DTD1: variants seen among roughly 807,000 people sequenced by gnomAD.
DTD1 encodes the protein D-aminoacyl-tRNA deacylase 1, also known as D-tyrosyl-tRNA deacylase 1 homolog.
Under a neutral mutation model 25.6 loss-of-function variants are expected in DTD1, and 13 were observed. The observed-to-expected ratio is 0.51, with a 90% CI of 0.33 to 0.81. DTD1 has a LOEUF of 0.81. Among genes scored for constraint, DTD1 ranks in the 30% least tolerant of loss-of-function variants. DTD1 has a pLI of 0.02. For synonymous variants in DTD1, 110 were observed against 103.6 expected (o/e 1.06, Z -0.37); for missense variants, 193 against 266.4 (o/e 0.72, Z 1.92).
chr20:18,708,198 T>A lies in DTD1; in HGVS notation c.478-35902T>A, dbSNP rs543318022. On this transcript the variant is annotated intron_variant, in intron 4 of 5. Transcript: ENST00000377452. ...ATATATATATTTTATATATATATTA[T>A]ATATATATTTTATATATATAATATA... Among the ~76,000 whole-genome samples the A allele has an allele frequency of 2.8e-4, 7 of 25,130 alleles. 1 individual carries two copies. Among genetic ancestry groups the A allele is most frequent in the Admixed American group, 6.4e-4 (1 of 1,554 alleles). The allele number at this position is 25,130 out of a possible 152,430, so 16.5% of individuals were successfully genotyped here. A position where few individuals can be genotyped will look rare whatever the true frequency, so the allele number is the denominator to read the frequency against.
intron 4 of DTD1, among the ~76,000 whole-genome samples, chr20:18,682,489 CT>C (rs1206817597): frequency 6.6e-6 from 1 of 152,196 alleles, no homozygotes; most frequent in African/African-American, 2.4e-5. Flanking sequence ...ATGTATGTTC[CT>C]GTTAGGACCC....
chr20:18,628,990 T>A (rs2060771241), intron 4 of DTD1, among the ~76,000 whole-genome samples: 5 of 734 alleles, frequency 6.8e-3, no homozygotes, highest in African/African-American at 0.012. Context: ...AAAGCCTGAT[T>A]TTTTTTTTTT....
Position 18,616,947 on chromosome 20 carries a change from G to A in DTD1, c.371-11180G>A, listed in dbSNP as rs141502895. Among the ~76,000 whole-genome samples, 506 of 152,316 alleles carry A rather than the reference G, an allele frequency of 3.3e-3. 3 individuals carry two copies. Among genetic ancestry groups the A allele is most frequent in the African/African-American group, 0.012 (487 of 41,570 alleles). ...CTCTGGGTCTCAGGAGATGAGGACT[G>A]GTCCATTTTGGTGGCTTTGCCATCC... On this transcript the variant is annotated intron_variant, in intron 3 of 5. Coordinates refer to ENST00000377452, the MANE Select transcript of DTD1 (RefSeq NM_080820.6).
intron 4 of DTD1, among the ~76,000 whole-genome samples, chr20:18,680,483 C>T (rs1355915270): frequency 6.9e-6 from 1 of 144,988 alleles, no homozygotes; most frequent in Non-Finnish European, 1.5e-5. Flanking sequence ...GTCAAGTGAT[C>T]CTCGCATCTG....
intron 2 of DTD1, among the ~76,000 whole-genome samples, chr20:18,594,233 G>T (rs6045488): frequency 0.51 from 77,335 of 151,902 alleles, 20,036 homozygotes; most frequent in Middle Eastern, 0.56. Context: ...TAAATTGCTT[G>T]CCCCAGATCA....
intron 4 of DTD1, among the ~76,000 whole-genome samples, chr20:18,699,760 G>A (rs1293779628): frequency 1.3e-5 from 2 of 152,194 alleles, no homozygotes; most frequent in East Asian, 1.9e-4. Flanking sequence ...GAGTGATCAT[G>A]TGTGTGTTTG....
intron 4 of DTD1, among the ~76,000 whole-genome samples, chr20:18,640,740 C>T (rs918848269): frequency 2.0e-5 from 3 of 151,674 alleles, no homozygotes; most frequent in South Asian, 2.1e-4. Context: ...AAGCAATTCT[C>T]CTGCCTCAGC....
chr20:18,695,188 C>CA (rs2061066101), intron 4 of DTD1, among the ~76,000 whole-genome samples: 1 of 151,984 alleles, frequency 6.6e-6, no homozygotes, highest in South Asian at 2.1e-4. Flanking sequence ...AGCAACGATT[C>CA]ACACATAGAG....
intron 5 of DTD1, among the ~76,000 whole-genome samples, chr20:18,755,515 C>A (rs180964122): frequency 7.9e-5 from 12 of 152,110 alleles, no homozygotes; most frequent in Admixed American, 7.9e-4. Flanking sequence ...TGAGAACATG[C>A]GGTGTTTGGT....
chr20:18,718,205 A>G (rs2061188971), intron 4 of DTD1, among the ~76,000 whole-genome samples: 1 of 152,254 alleles, frequency 6.6e-6, no homozygotes, highest in Non-Finnish European at 1.5e-5. Flanking sequence ...TATTAAAGAT[A>G]TTTATTTTGG....
At chr20:18,680,255 G>A (rs1330167853) in intron 4 of DTD1, among the ~76,000 whole-genome samples, 5 of 151,948 alleles carry the variant, frequency 3.3e-5, no homozygotes. Flanking sequence ...CACAATCATG[G>A]GTCACTACAT....
At chr20:18,761,716 A>G (rs1353759668) in intron 5 of DTD1, among the ~76,000 whole-genome samples, 2 of 152,248 alleles carry the variant, frequency 1.3e-5, no homozygotes, top group Admixed American at 6.5e-5. Context: ...AATCTGTGCC[A>G]AGAAGATGGA....
chr20:18,688,224 C>T (rs750889787), intron 4 of DTD1, among the ~76,000 whole-genome samples: 1 of 152,230 alleles, frequency 6.6e-6, no homozygotes, highest in East Asian at 1.9e-4. Flanking sequence ...CATTTACCTA[C>T]TATGCCACGC....
At chr20:18,594,830 T>C (rs1015119984) in intron 2 of DTD1, among the ~76,000 whole-genome samples, 6 of 152,228 alleles carry the variant, frequency 3.9e-5, no homozygotes, top group African/African-American at 1.2e-4. Flanking sequence ...TCTTTATGGC[T>C]CTGACATACT....
intron 4 of DTD1, among the ~76,000 whole-genome samples, chr20:18,657,936 T>C (rs1228711751): frequency 6.6e-6 from 1 of 152,008 alleles, no homozygotes; most frequent in Non-Finnish European, 1.5e-5. Flanking sequence ...CAATATTCTA[T>C]TGGTTACAGA....
chr20:18,693,956 C>T (rs551742296), intron 4 of DTD1, among the ~76,000 whole-genome samples: 19 of 152,324 alleles, frequency 1.2e-4, no homozygotes, highest in African/African-American at 4.1e-4. Flanking sequence ...GCACTAGCCA[C>T]GTTTCAAGTG....
intron 4 of DTD1, among the ~76,000 whole-genome samples, chr20:18,686,566 T>C (rs1243552559): frequency 6.6e-6 from 1 of 152,118 alleles, no homozygotes; most frequent in Non-Finnish European, 1.5e-5. Context: ...GTCAATTTAG[T>C]AGGTGATAAG....
intron 4 of DTD1, among the ~76,000 whole-genome samples, chr20:18,735,971 T>A (rs968006596): frequency 6.6e-6 from 1 of 152,160 alleles, no homozygotes; most frequent in Non-Finnish European, 1.5e-5. Flanking sequence ...CTATCATTAG[T>A]GTAAGTGTAT....
chr20:18,631,179 A>G (rs1440000779), intron 4 of DTD1: 1 of 985,318 alleles, frequency 1.0e-6, no homozygotes, highest in African/African-American at 1.7e-5. Flanking sequence ...TAGCAGAGCT[A>G]CCCTTTCCTG....
Sources: allele counts gnomAD v4.1 joint callset (sites outside exome capture counted in the v4.1 genomes callset), GRCh38; gene constraint gnomAD v4.1.1; transcripts MANE v1.5; gene names NCBI Gene and HGNC (gene_info 2026-07-23, HGNC 2026-07-21).